The following ACSS3 variants were observed in gnomAD, a reference collection of about 807,000 sequenced individuals.
ACSS3 encodes acyl-CoA synthetase short-chain family member 3, mitochondrial.
In ACSS3, 64 loss-of-function variants were observed where a neutral mutation model predicts 84.2. The ratio of observed to expected loss-of-function variants is 0.76; its 90% CI spans 0.62 to 0.94. ACSS3 has a LOEUF of 0.94. Among genes scored for constraint, ACSS3 ranks in the 40% least tolerant of loss-of-function variants. The probability of loss-of-function intolerance (pLI) is 0.00; values close to 1 mark genes in which losing one functional copy is unlikely to be tolerated. For missense variants in ACSS3, 815 were observed against 867.6 expected, an observed-to-expected ratio of 0.94 and a Z score of 0.76; for synonymous variants, 317 against 310.1, an observed-to-expected ratio of 1.02 and a Z score of -0.23.
intron 9 of ACSS3, among the ~76,000 whole-genome samples, chr12:81,212,824 C>T (rs1012441073): frequency 6.6e-6 from 1 of 152,012 alleles, no homozygotes; most frequent in African/African-American, 2.4e-5. Flanking sequence ...AGTAAAGATA[C>T]CATGAAGTTT....
At chr12:81,117,226 A>G (rs1220740089) in intron 2 of ACSS3, among the ~76,000 whole-genome samples, 1 of 152,226 alleles carries the variant, frequency 6.6e-6, no homozygotes, top group African/African-American at 2.4e-5. Flanking sequence ...CTTGTGGAAC[A>G]CATAATATAT....
intron 1 of ACSS3, among the ~76,000 whole-genome samples, chr12:81,090,492 A>G (rs1319071893): frequency 6.7e-6 from 1 of 149,852 alleles, no homozygotes; most frequent in East Asian, 1.9e-4. Flanking sequence ...TTGAACTGAC[A>G]TTAAAAACTT....
intron 7 of ACSS3, among the ~76,000 whole-genome samples, chr12:81,170,876 C>T (rs1268935650): frequency 2.0e-5 from 3 of 151,712 alleles, no homozygotes; most frequent in African/African-American, 7.3e-5. Flanking sequence ...TGTGTGTGTG[C>T]GTGTGCATGA....
intron 1 of ACSS3, among the ~76,000 whole-genome samples, chr12:81,082,510 A>G (rs1367695508): frequency 2.0e-5 from 3 of 152,196 alleles, no homozygotes; most frequent in African/African-American, 7.2e-5. Context: ...CCAGGGAAAG[A>G]AAATAGCATA....
chr12:81,188,636 C>G (rs555554081), intron 8 of ACSS3, among the ~76,000 whole-genome samples: 1 of 151,980 alleles, frequency 6.6e-6, no homozygotes, highest in Non-Finnish European at 1.5e-5. Context: ...TTCTTTGATA[C>G]CTGGCTTCTT....
intron 9 of ACSS3, among the ~76,000 whole-genome samples, chr12:81,214,360 C>G (rs915406655): frequency 6.6e-6 from 1 of 152,046 alleles, no homozygotes; most frequent in Admixed American, 6.5e-5. Context: ...TTGAATGAAT[C>G]AATCAAAATA....
intron 8 of ACSS3, among the ~76,000 whole-genome samples, chr12:81,193,560 CT>C: frequency 6.6e-6 from 1 of 151,886 alleles, no homozygotes; most frequent in South Asian, 2.1e-4. Context: ...CTCTCCTCTC[CT>C]TTTTTTCTAT....
chr12:81,199,534 A>G, intron 9 of ACSS3, 90 bp downstream of exon 9: 3 of 1,474,252 alleles, frequency 2.0e-6, no homozygotes, highest in Non-Finnish European at 2.8e-6. Flanking sequence ...TACGACCAGC[A>G]GATCAGACAC....
At chr12:81,227,662 C>T (rs796729140) in intron 11 of ACSS3, among the ~76,000 whole-genome samples, 31 of 151,946 alleles carry the variant, frequency 2.0e-4, no homozygotes, top group African/African-American at 7.5e-4. Flanking sequence ...GCTTCATGAA[C>T]CTATTCTTCA....
chr12:81,126,172 C>G (rs1885080759), intron 2 of ACSS3, among the ~76,000 whole-genome samples: 2 of 152,162 alleles, frequency 1.3e-5, no homozygotes, highest in Non-Finnish European at 2.9e-5. Flanking sequence ...TCTCTCTATA[C>G]TAAACTGCCT....
intron 1 of ACSS3, among the ~76,000 whole-genome samples, chr12:81,092,831 A>C (rs1881757055): frequency 6.6e-6 from 1 of 152,330 alleles, no homozygotes; most frequent in African/African-American, 2.4e-5. Flanking sequence ...ATTGACAAAA[A>C]TATAATAAAG....
intron 2 of ACSS3, among the ~76,000 whole-genome samples, chr12:81,132,624 C>T (rs1565996186): frequency 6.6e-6 from 1 of 152,104 alleles, no homozygotes; most frequent in Admixed American, 6.6e-5. Flanking sequence ...GTGTCTCTAT[C>T]TCCTTCAGTT....
chr12:81,122,746 G>T (rs1054696366), intron 2 of ACSS3, among the ~76,000 whole-genome samples: 3 of 152,122 alleles, frequency 2.0e-5, no homozygotes, highest in South Asian at 4.1e-4. Context: ...ATGCATAACT[G>T]TAAAAAGTTA....
chr12:81,248,444 G>C (rs771906947), intron 13 of ACSS3, among the ~76,000 whole-genome samples: 6 of 151,946 alleles, frequency 3.9e-5, no homozygotes, highest in African/African-American at 7.2e-5. Flanking sequence ...TTAAGTGAAA[G>C]GATCCAGGCA....
intron 2 of ACSS3, among the ~76,000 whole-genome samples, chr12:81,134,203 C>T (rs7967202): frequency 0.081 from 12,354 of 152,016 alleles, 591 homozygotes; most frequent in East Asian, 0.21. Flanking sequence ...GACCTGTGAT[C>T]GTGTCCTGTT....
At position 81,253,698 on chromosome 12, in the gene ACSS3, G is replaced by T. The variant is rs374868276; in HGVS notation, c.1995+28G>T. The T allele has an allele frequency of 5.6e-5, 90 of 1,595,234 alleles. No homozygotes were observed. The African/African-American group carries it at 1.2e-3, about 21-fold the overall frequency. ...AAATTATCAAAGATATTTATTCCTG[G>T]GTTCTAAGATATTTTTCTTCATTTC... On this transcript the variant is annotated intron_variant, in intron 15 of 15. Transcript: ENST00000548058.
At chr12:81,239,262 A>G (rs1057384995) in intron 13 of ACSS3, among the ~76,000 whole-genome samples, 4 of 151,884 alleles carry the variant, frequency 2.6e-5, no homozygotes, top group Non-Finnish European at 4.4e-5. Flanking sequence ...GGTGTGTTTT[A>G]TGGCCCAAAA....
intron 7 of ACSS3, among the ~76,000 whole-genome samples, chr12:81,164,478 A>G (rs1887307243): frequency 6.6e-6 from 1 of 152,218 alleles, no homozygotes; most frequent in Non-Finnish European, 1.5e-5. Flanking sequence ...TTATCACTTT[A>G]TATGTGTGGA....
At chr12:81,230,231 C>T (rs192237193) in intron 11 of ACSS3, among the ~76,000 whole-genome samples, 131 of 151,890 alleles carry the variant, frequency 8.6e-4, no homozygotes, top group Middle Eastern at 3.4e-3. Flanking sequence ...TAAAAGGTTT[C>T]TGTGTTCAGA....
Sources: allele counts gnomAD v4.1 joint callset (sites outside exome capture counted in the v4.1 genomes callset), GRCh38; gene constraint gnomAD v4.1.1; transcripts MANE v1.5; gene names NCBI Gene and HGNC (gene_info 2026-07-23, HGNC 2026-07-21).